The following SULF1 variants were observed in gnomAD, a reference collection of about 807,000 sequenced individuals.
The protein encoded by SULF1 is extracellular sulfatase Sulf-1.
A neutral mutation model predicts 110.5 loss-of-function variants in SULF1; 46 were observed. The ratio of observed to expected loss-of-function variants is 0.42; its 90% CI spans 0.33 to 0.53. SULF1 has a LOEUF of 0.53. SULF1 is among the 20% of genes least tolerant of loss of function. The probability of loss-of-function intolerance (pLI) is 0.12; values close to 1 mark genes in which losing one functional copy is unlikely to be tolerated. For missense variants in SULF1, 941 were observed against 1,094.2 expected (o/e 0.86, Z 1.98); for synonymous variants, 371 against 387.1 (o/e 0.96, Z 0.49).
intron 3 of SULF1, among the ~76,000 whole-genome samples, chr8:69,504,343 C>T (rs1811028755): frequency 6.6e-6 from 1 of 151,920 alleles, no homozygotes; most frequent in South Asian, 2.1e-4. Context: ...CACCTGAGGT[C>T]AGGAGTTCGA....
At chr8:69,626,690 G>C (rs1810076619) in intron 15 of SULF1, among the ~76,000 whole-genome samples, 1 of 152,204 alleles carries the variant, frequency 6.6e-6, no homozygotes, top group South Asian at 2.1e-4. Flanking sequence ...GGTACTGCTG[G>C]TACCTCCGCA....
intron 1 of SULF1, among the ~76,000 whole-genome samples, chr8:69,475,848 A>G (rs1809281254): frequency 6.6e-6 from 1 of 152,208 alleles, no homozygotes; most frequent in Admixed American, 6.5e-5. Flanking sequence ...TGGGCATTAG[A>G]CAGAATACAC....
chr8:69,559,349 G>C (rs1185988073), intron 3 of SULF1, among the ~76,000 whole-genome samples: 1 of 152,118 alleles, frequency 6.6e-6, no homozygotes, highest in Non-Finnish European at 1.5e-5. Flanking sequence ...GATTATTTGG[G>C]AAATTTGGTT....
intron 22 of SULF1, among the ~76,000 whole-genome samples, chr8:69,643,289 T>A (rs1012104888): frequency 6.6e-6 from 1 of 152,184 alleles, no homozygotes; most frequent in Non-Finnish European, 1.5e-5. Context: ...AACAAGTATG[T>A]ACAGAAATGC....
chr8:69,539,814 G>A (rs1263488173), intron 3 of SULF1, among the ~76,000 whole-genome samples: 3 of 152,166 alleles, frequency 2.0e-5, no homozygotes, highest in Admixed American at 6.5e-5. Flanking sequence ...TAACCATTTT[G>A]GTGGAAGTGG....
At chr8:69,493,741 C>T (rs373886738) in intron 1 of SULF1, among the ~76,000 whole-genome samples, 2 of 152,300 alleles carry the variant, frequency 1.3e-5, no homozygotes, top group African/African-American at 4.8e-5. Context: ...AAATTTTTCA[C>T]TGCATAACCG....
chr8:69,471,889 A>G lies in SULF1; in HGVS notation c.-391+4939A>G, dbSNP rs188220990. On this transcript the variant is annotated intron_variant, in intron 1 of 22. Transcript: ENST00000260128. ...ATGCAGGAATGACAAACGTTCAGCT[A>G]TGTCAGTCATTAATCCTATGTATCT... Among the ~76,000 whole-genome samples the G allele has an allele frequency of 2.6e-5, 4 of 152,332 alleles. No homozygotes were observed. In the East Asian group the frequency reaches 7.7e-4, roughly 29 times the overall value.
At chr8:69,603,420 C>A in intron 11 of SULF1, 100 bp downstream of exon 11, 1 of 1,575,620 alleles carries the variant, frequency 6.3e-7, no homozygotes, top group Non-Finnish European at 8.7e-7. Flanking sequence ...CAGAATATGC[C>A]TTGCCCACAA....
chr8:69,529,067 T>G (rs184646232), intron 3 of SULF1, among the ~76,000 whole-genome samples: 29 of 152,270 alleles, frequency 1.9e-4, no homozygotes, highest in African/African-American at 6.5e-4. Flanking sequence ...TCAAAAAGTC[T>G]GTGAGGTTGA....
chr8:69,599,604 C>A (rs1807622815), intron 8 of SULF1, among the ~76,000 whole-genome samples: 1 of 152,206 alleles, frequency 6.6e-6, no homozygotes. Context: ...TAATACCCAA[C>A]ACATATTAAA....
rs574451688 is a variant in SULF1, at chr8:69,540,194, A to T, written c.-133-23345A>T. ...AAGAGAGGATACATATGGCCACCAG[A>T]TTCATCTCTCTATTCATAAAACGAT... On this transcript the variant is annotated intron_variant, in intron 3 of 22. Transcript: ENST00000402687. 2.6e-5 allele frequency among the ~76,000 whole-genome samples: 4 copies of T among 152,348 alleles called. No homozygotes were observed. The East Asian group carries it at 5.8e-4, about 22-fold the overall frequency.
chr8:69,625,524 C>T (rs987739455), intron 15 of SULF1, among the ~76,000 whole-genome samples: 1 of 152,148 alleles, frequency 6.6e-6, no homozygotes. Flanking sequence ...TTCGGAGTTT[C>T]TTCCTTCTGG....
intron 8 of SULF1, among the ~76,000 whole-genome samples, chr8:69,595,170 C>T (rs1807209539): frequency 6.6e-6 from 1 of 151,846 alleles, no homozygotes; most frequent in Non-Finnish European, 1.5e-5. Flanking sequence ...AAACAAAGAC[C>T]CAAAGTCTAT....
chr8:69,516,041 T>C (rs1811899015), intron 3 of SULF1, among the ~76,000 whole-genome samples: 1 of 152,228 alleles, frequency 6.6e-6, no homozygotes, highest in Non-Finnish European at 1.5e-5. Context: ...TCCTGTCTTC[T>C]TCTGATCCCT....
chr8:69,505,442 T>C (rs567895048), intron 3 of SULF1, among the ~76,000 whole-genome samples: 1 of 152,300 alleles, frequency 6.6e-6, no homozygotes, highest in Non-Finnish European at 1.5e-5. Flanking sequence ...TTGAGAAAAT[T>C]AAGATTTTTC....
At chr8:69,556,260 A>G (rs1240686527) in intron 3 of SULF1, among the ~76,000 whole-genome samples, 2 of 152,154 alleles carry the variant, frequency 1.3e-5, no homozygotes, top group Non-Finnish European at 2.9e-5. Flanking sequence ...GGTCCACTAA[A>G]TTTTCCAGTG....
chr8:69,597,431 G>C (rs1185865586), intron 8 of SULF1: 1 of 152,244 alleles, frequency 6.6e-6, no homozygotes, highest in Non-Finnish European at 1.5e-5. Flanking sequence ...CATCCCCAGA[G>C]CTGGGGGTCA....
chr8:69,639,867 G>C (rs541225557), intron 21 of SULF1, among the ~76,000 whole-genome samples: 1 of 152,132 alleles, frequency 6.6e-6, no homozygotes, highest in Non-Finnish European at 1.5e-5. Flanking sequence ...GGTCACAAAG[G>C]CTTTTGAGTT....
intron 19 of SULF1, among the ~76,000 whole-genome samples, chr8:69,630,575 C>T (rs1810439247): frequency 1.3e-5 from 2 of 152,108 alleles, no homozygotes; most frequent in African/African-American, 2.4e-5. Context: ...AAAATCACAT[C>T]GAGGCCGAAT....
Sources: allele counts gnomAD v4.1 joint callset (sites outside exome capture counted in the v4.1 genomes callset), GRCh38; gene constraint gnomAD v4.1.1; transcripts MANE v1.5; gene names NCBI Gene and HGNC (gene_info 2026-07-23, HGNC 2026-07-21).